Variants in ALG14 observed in about 807,000 individuals in gnomAD.
The protein encoded by ALG14 is ALG14 UDP-N-acetylglucosaminyltransferase subunit.
A neutral mutation model predicts 22.8 loss-of-function variants in ALG14; 17 were observed. The ratio of observed to expected loss-of-function variants is 0.75; its 90% CI spans 0.51 to 1.12. The LOEUF (loss-of-function observed/expected upper bound fraction) is 1.12. ALG14 is among the 50% of genes most tolerant of loss of function. ALG14 has a pLI of 0.00. For synonymous variants in ALG14, 89 were observed against 103.7 expected, an observed-to-expected ratio of 0.86 and a Z score of 0.86; for missense variants, 288 against 271.8, an observed-to-expected ratio of 1.06 and a Z score of -0.42.
chr1:95,057,173 TACACAC>T (rs1276450495), intron 2 of ALG14, among the ~76,000 whole-genome samples: 2 of 150,660 alleles, frequency 1.3e-5, no homozygotes, highest in Non-Finnish European at 2.9e-5. Flanking sequence ...TACATACACA[TACACAC>T]ACACAACTCT....
At chr1:95,060,779 T>C (rs566649737) in intron 2 of ALG14, among the ~76,000 whole-genome samples, 2 of 152,134 alleles carry the variant, frequency 1.3e-5, no homozygotes, top group African/African-American at 2.4e-5. Flanking sequence ...AGACTATTAA[T>C]GTGAAGCAAA....
intron 2 of ALG14, among the ~76,000 whole-genome samples, chr1:95,055,119 G>C (rs1674883477): frequency 1.3e-5 from 2 of 152,114 alleles, no homozygotes; most frequent in South Asian, 2.1e-4. Context: ...AAAACTCTTG[G>C]CACATTTTTA....
At chr1:94,992,120 T>G (rs1052016208) in intron 3 of ALG14, among the ~76,000 whole-genome samples, 1 of 152,122 alleles carries the variant, frequency 6.6e-6, no homozygotes, top group African/African-American at 2.4e-5. Flanking sequence ...AAGAGTACAC[T>G]ATAAAATAAT....
At chr1:94,984,788 T>C (rs1401099215) in intron 3 of ALG14, among the ~76,000 whole-genome samples, 1 of 152,218 alleles carries the variant, frequency 6.6e-6, no homozygotes, top group African/African-American at 2.4e-5. Flanking sequence ...TCTGTGATTC[T>C]GGGCAACAGC....
chr1:95,063,014 T>C (rs1675219524), intron 2 of ALG14, among the ~76,000 whole-genome samples: 1 of 152,238 alleles, frequency 6.6e-6, no homozygotes, highest in African/African-American at 2.4e-5. Flanking sequence ...AGATGGTATC[T>C]CATTGTGGTT....
intron 2 of ALG14, among the ~76,000 whole-genome samples, chr1:95,042,381 C>A (rs1045119548): frequency 2.6e-5 from 4 of 152,044 alleles, no homozygotes; most frequent in African/African-American, 9.7e-5. Flanking sequence ...AGACTCTTCG[C>A]GTTATTTATC....
chr1:95,027,624 T>A (rs572158795), intron 2 of ALG14, among the ~76,000 whole-genome samples: 135 of 152,310 alleles, frequency 8.9e-4, no homozygotes, highest in South Asian at 7.2e-3. Flanking sequence ...GACAGACAGA[T>A]AACTCCAAAT....
chr1:95,060,051 T>C (rs185209457), intron 2 of ALG14, among the ~76,000 whole-genome samples: 1 of 151,692 alleles, frequency 6.6e-6, no homozygotes, highest in East Asian at 2.0e-4. Flanking sequence ...CCAACCTTAG[T>C]AAGGCTTGGC....
intron 3 of ALG14, among the ~76,000 whole-genome samples, chr1:95,016,081 A>G (rs1407177991): frequency 6.6e-6 from 1 of 152,226 alleles, no homozygotes; most frequent in African/African-American, 2.4e-5. Flanking sequence ...GAGAATAAAC[A>G]GCTCACCTAA....
chr1:95,048,538 G>A (rs1253763176), intron 2 of ALG14, among the ~76,000 whole-genome samples: 8 of 152,080 alleles, frequency 5.3e-5, no homozygotes, highest in African/African-American at 9.7e-5. Flanking sequence ...TTCCTTCCAC[G>A]CCTTGGAGGG....
At chr1:95,063,660 T>C (rs1349862119) in intron 2 of ALG14, among the ~76,000 whole-genome samples, 3 of 152,238 alleles carry the variant, frequency 2.0e-5, no homozygotes, top group Admixed American at 1.3e-4. Context: ...TTTGTACAAG[T>C]ATCACGCTGT....
intron 2 of ALG14, among the ~76,000 whole-genome samples, chr1:95,042,305 T>TACAC (rs34055488): frequency 0.052 from 7,751 of 150,286 alleles, 244 homozygotes; most frequent in Non-Finnish European, 0.075. Flanking sequence ...GATTTAAACA[T>TACAC]ACACACACAC....
At chr1:94,990,078 T>C (rs1672736228) in intron 3 of ALG14, among the ~76,000 whole-genome samples, 1 of 152,064 alleles carries the variant, frequency 6.6e-6, no homozygotes, top group African/African-American at 2.4e-5. Flanking sequence ...AAAGGACTTA[T>C]CTAAGACAGG....
intron 3 of ALG14, among the ~76,000 whole-genome samples, chr1:94,998,884 A>G (rs901633896): frequency 1.3e-5 from 2 of 152,200 alleles, no homozygotes; most frequent in African/African-American, 4.8e-5. Context: ...AGAGCTTACA[A>G]TCAAGAAATG....
chr1:95,005,563 C>T (rs967160457), intron 3 of ALG14, among the ~76,000 whole-genome samples: 5 of 152,088 alleles, frequency 3.3e-5, no homozygotes, highest in African/African-American at 1.2e-4. Context: ...TATCTTAGTT[C>T]AATTTGGAAA....
intron 3 of ALG14, chr1:95,022,386 C>A (rs1046316918): frequency 1.0e-6 from 1 of 985,188 alleles, no homozygotes; most frequent in African/African-American, 1.7e-5. Context: ...AGCAGTTTGT[C>A]AGTCACAAGA....
intron 2 of ALG14, among the ~76,000 whole-genome samples, chr1:95,055,486 A>G (rs939087109): frequency 3.0e-4 from 45 of 152,264 alleles, no homozygotes; most frequent in Non-Finnish European, 1.6e-4. Context: ...GACTCTTATA[A>G]AGACAATTAG....
At chr1:95,062,495 T>C (rs865993727) in intron 2 of ALG14, among the ~76,000 whole-genome samples, 4 of 152,122 alleles carry the variant, frequency 2.6e-5, no homozygotes, top group Admixed American at 1.3e-4. Context: ...TTCCCCCATA[T>C]GTACCCATGT....
rs1423918650 is a variant in ALG14, at chr1:94,982,927, GAGTCATC to G, written c.*142_*148del. The stretch of plus-strand genomic sequence containing the variant: ...TAAGAGAAGCCTCAGTTTCTTCACT[GAGTCATC>G]TGTACATTTTTTATTCCTTACCATC... On this transcript the variant is annotated 3_prime_UTR_variant, in exon 4 of 4. Transcript: ENST00000370205. The G allele has an allele frequency of 1.5e-6, 1 of 649,644 alleles. No individual in the cohort carries two copies. The highest frequency in any genetic ancestry group is 1.8e-5 in the African/African-American group (1 of 54,580). The allele number at this position is 649,644 out of a possible 1,614,324, so 40.2% of individuals were successfully genotyped here. A position where few individuals can be genotyped will look rare whatever the true frequency, so the allele number is the denominator to read the frequency against.
Sources: gnomAD v4.1 joint callset for allele counts (sites outside exome capture counted in the v4.1 genomes callset) on GRCh38, gnomAD v4.1.1 for gene constraint, MANE v1.5 for transcripts, NCBI Gene and HGNC (gene_info 2026-07-23, HGNC 2026-07-21) for gene names.